Variants in SLC2A14 observed in about 807,000 individuals in gnomAD.
The protein encoded by SLC2A14 is solute carrier family 2, facilitated glucose transporter member 14.
Under a neutral mutation model 43.0 loss-of-function variants are expected in SLC2A14, and 13 were observed. The ratio of observed to expected loss-of-function variants is 0.30; its 90% CI spans 0.20 to 0.48. SLC2A14 has a LOEUF of 0.48. Among genes scored for constraint, SLC2A14 ranks in the 20% least tolerant of loss-of-function variants. The pLI, the probability that SLC2A14 is intolerant of heterozygous loss-of-function variation, is 0.99. For missense variants in SLC2A14, 428 were observed against 620.4 expected (o/e 0.69, Z 3.29); for synonymous variants, 190 against 233.8 (o/e 0.81, Z 1.71).
chr12:7,873,212 G>A (rs1945337933), upstream of SLC2A14: 18 of 985,472 alleles, frequency 1.8e-5, no homozygotes, highest in Non-Finnish European at 2.2e-5. Flanking sequence ...CCTTGGCGCC[G>A]CCGTTAGGAG....
At chr12:7,863,628 A>G (rs1394828135) in intron 2 of SLC2A14, among the ~76,000 whole-genome samples, 1 of 152,002 alleles carries the variant, frequency 6.6e-6, no homozygotes, top group Admixed American at 6.6e-5. Context: ...TTAAAAAAAA[A>G]TAAAAAATAA....
Position 7,812,579 on chromosome 12 carries a change from T to C in SLC2A14, c.*1737A>G, listed in dbSNP as rs1863138665. The C allele has an allele frequency of 6.6e-6, 1 of 152,176 alleles. No individual in the cohort carries two copies. The highest frequency in any genetic ancestry group is 1.9e-4 in the East Asian group (1 of 5,202). The allele number at this position is 152,176 out of a possible 1,614,324, so 9.4% of individuals were successfully genotyped here. A position where few individuals can be genotyped will look rare whatever the true frequency, so the allele number is the denominator to read the frequency against. The stretch of plus-strand genomic sequence containing the variant: ...AACAAACAATAATGGAAAATCCATA[T>C]GGAAATATTCACAATCTTCTCAGTG... On this transcript the variant is annotated 3_prime_UTR_variant, in exon 11 of 11. Coordinates refer to ENST00000431042, the MANE Select transcript of SLC2A14 (RefSeq NM_001286234.2).
intron 1 of SLC2A14, chr12:7,872,487 T>C (rs1007287596): frequency 6.6e-6 from 1 of 152,422 alleles, no homozygotes; most frequent in African/African-American, 2.4e-5. Flanking sequence ...ATTTACGGCA[T>C]TTTGTTACGT....
chr12:7,871,921 CA>C, intron 1 of SLC2A14: 1 of 983,992 alleles, frequency 1.0e-6, no homozygotes. Context: ...CCATCTGTCC[CA>C]GGGGAGGCAG....
At chr12:7,838,685 G>C (rs1865663069) in intron 2 of SLC2A14, among the ~76,000 whole-genome samples, 1 of 152,182 alleles carries the variant, frequency 6.6e-6, no homozygotes, top group Non-Finnish European at 1.5e-5. Context: ...TAAGACTTTA[G>C]GGCCTACAGG....
intron 2 of SLC2A14, among the ~76,000 whole-genome samples, chr12:7,841,355 C>T (rs1373008560): frequency 2.6e-5 from 4 of 152,028 alleles, no homozygotes; most frequent in Admixed American, 6.6e-5. Context: ...CCACCTCCCA[C>T]GTTTAAGCGA....
chr12:7,887,100 TG>T (rs1945700726), intron 1 of SLC2A14, among the ~76,000 whole-genome samples: 1 of 151,508 alleles, frequency 6.6e-6, no homozygotes, highest in Non-Finnish European at 1.5e-5. Flanking sequence ...TTAGTAGAGA[TG>T]GGGTTTCACC....
chr12:7,839,821 C>A (rs1192827712), intron 2 of SLC2A14: 3 of 447,024 alleles, frequency 6.7e-6, no homozygotes, highest in African/African-American at 6.2e-5. Flanking sequence ...TGCCTGTAAT[C>A]TCAGCACTTT....
At chr12:7,844,551 T>TTC (rs1158723582) in intron 2 of SLC2A14, among the ~76,000 whole-genome samples, 1 of 151,850 alleles carries the variant, frequency 6.6e-6, no homozygotes, top group African/African-American at 2.4e-5. Context: ...TCCTTTTTTT[T>TTC]TTTTAGACAG....
intron 2 of SLC2A14, among the ~76,000 whole-genome samples, chr12:7,854,824 T>A (rs1436325005): frequency 1.3e-5 from 2 of 151,206 alleles, no homozygotes; most frequent in Admixed American, 6.6e-5. Flanking sequence ...TATTTTTTAT[T>A]TTTTGAGATG....
At chr12:7,862,982 T>G (rs1261046130) in intron 2 of SLC2A14, among the ~76,000 whole-genome samples, 2 of 152,086 alleles carry the variant, frequency 1.3e-5, no homozygotes, top group Admixed American at 6.6e-5. Context: ...TGGGGCCAGA[T>G]AAGAGAATAA....
At chr12:7,824,531 C>T (rs181261300) in intron 7 of SLC2A14, among the ~76,000 whole-genome samples, 6 of 151,284 alleles carry the variant, frequency 4.0e-5, no homozygotes, top group East Asian at 2.0e-4. Flanking sequence ...GTCAGGAGTT[C>T]GAGACCAGCC....
chr12:7,881,282 G>A lies in SLC2A14; in HGVS notation c.132+9714C>T, dbSNP rs749104308. On this transcript the variant is annotated intron_variant, in intron 1 of 9. Coordinates refer to the SLC2A14 transcript ENST00000539924. ...TCAGCTTGCGGGAGGTGTGGAGGGA[G>A]AGGCGCGGGCGGGAACCCGGCTGCG... 1.3e-3 allele frequency among the ~76,000 whole-genome samples: 205 copies of A among 152,100 alleles called. 1 individual carries two copies. The highest frequency in any genetic ancestry group is 1.7e-3 in the Non-Finnish European group (116 of 67,988).
At chr12:7,830,688 C>A (rs987349012) in intron 4 of SLC2A14, among the ~76,000 whole-genome samples, 2 of 151,936 alleles carry the variant, frequency 1.3e-5, no homozygotes, top group Admixed American at 6.6e-5. Flanking sequence ...AAATAGGTTG[C>A]CTTATCAATT....
At chr12:7,819,077 C>T (rs1158941453) in intron 9 of SLC2A14, among the ~76,000 whole-genome samples, 2 of 151,722 alleles carry the variant, frequency 1.3e-5, no homozygotes, top group Non-Finnish European at 2.9e-5. Flanking sequence ...ATTAGCTGGG[C>T]GTGGAGGTGC....
intron 7 of SLC2A14, among the ~76,000 whole-genome samples, chr12:7,823,915 C>T (rs1864136615): frequency 6.6e-6 from 1 of 152,020 alleles, no homozygotes; most frequent in African/African-American, 2.4e-5. Context: ...CTATTTAAAT[C>T]CCTAAGATGT....
chr12:7,851,478 A>G (rs1866934494), intron 2 of SLC2A14, among the ~76,000 whole-genome samples: 1 of 152,180 alleles, frequency 6.6e-6, no homozygotes, highest in South Asian at 2.1e-4. Flanking sequence ...GGTCTGGAAC[A>G]TATAGACATA....
chr12:7,833,718 G>T (rs775867151), intron 2 of SLC2A14, among the ~76,000 whole-genome samples: 1 of 151,520 alleles, frequency 6.6e-6, no homozygotes, highest in Non-Finnish European at 1.5e-5. Context: ...AGAGGCGGAG[G>T]TTGCAGTGAG....
chr12:7,849,978 C>A (rs1303635375), intron 2 of SLC2A14, among the ~76,000 whole-genome samples: 1 of 150,528 alleles, frequency 6.6e-6, no homozygotes, highest in East Asian at 1.9e-4. Context: ...ACCCAAAGTC[C>A]CTGACCTCAA....
Sources: gnomAD v4.1 joint callset for allele counts (sites outside exome capture counted in the v4.1 genomes callset) on GRCh38, gnomAD v4.1.1 for gene constraint, MANE v1.5 for transcripts, NCBI Gene and HGNC (gene_info 2026-07-23, HGNC 2026-07-21) for gene names.